Variants in ANKH observed in about 807,000 individuals in gnomAD.
The protein encoded by ANKH is mineralization regulator ANKH.
A neutral mutation model predicts 49.0 loss-of-function variants in ANKH; 15 were observed. The observed-to-expected ratio is 0.31, with a 90% CI of 0.20 to 0.47. ANKH has a LOEUF of 0.47. Among genes scored for constraint, ANKH ranks in the 20% least tolerant of loss-of-function variants. The pLI, the probability that ANKH is intolerant of heterozygous loss-of-function variation, is 1.00. For synonymous variants in ANKH, 273 were observed against 260.0 expected, an observed-to-expected ratio of 1.05 and a Z score of -0.48; for missense variants, 429 against 652.0, an observed-to-expected ratio of 0.66 and a Z score of 3.72.
At chr5:14,847,473 C>A (rs1250455364) in intron 1 of ANKH, among the ~76,000 whole-genome samples, 2 of 152,200 alleles carry the variant, frequency 1.3e-5, no homozygotes, top group African/African-American at 4.8e-5. Context: ...GGTCCCAGGG[C>A]TGCCCAGCAG....
At chr5:14,823,478 C>T (rs1741252678) in intron 1 of ANKH, among the ~76,000 whole-genome samples, 1 of 152,160 alleles carries the variant, frequency 6.6e-6, no homozygotes, top group Non-Finnish European at 1.5e-5. Context: ...GCAATCATAG[C>T]ATGGTGTGTG....
chr5:14,844,501 T>C (rs1025113950), intron 1 of ANKH, among the ~76,000 whole-genome samples: 2 of 152,240 alleles, frequency 1.3e-5, no homozygotes, highest in South Asian at 2.1e-4. Context: ...GCTTCAGCCT[T>C]GCTCTCACTT....
intron 1 of ANKH, among the ~76,000 whole-genome samples, chr5:14,843,039 G>A (rs931811776): frequency 1.3e-5 from 2 of 152,102 alleles, no homozygotes; most frequent in African/African-American, 4.8e-5. Flanking sequence ...TCAAATTGTG[G>A]CTAGATGCCC....
chr5:14,730,240 G>C (rs4702045), intron 8 of ANKH, among the ~76,000 whole-genome samples: 3 of 152,212 alleles, frequency 2.0e-5, no homozygotes, highest in Admixed American at 6.5e-5. Context: ...GCTGGAGCAG[G>C]GGGGCTCACA....
intron 1 of ANKH, among the ~76,000 whole-genome samples, chr5:14,783,751 C>T (rs139306600): frequency 9.0e-4 from 137 of 152,234 alleles, no homozygotes; most frequent in Middle Eastern, 3.4e-3. Context: ...TAGAGAATAA[C>T]GTGAATAAAA....
intron 1 of ANKH, among the ~76,000 whole-genome samples, chr5:14,858,469 C>T (rs1217685600): frequency 1.3e-5 from 2 of 152,282 alleles, no homozygotes; most frequent in South Asian, 2.1e-4. Context: ...GTAATCCTAA[C>T]ACTTTGGGAG....
chr5:14,711,379 G>A, intron 11 of ANKH, 69 bp from the exon 12 acceptor site: 1 of 1,371,790 alleles, frequency 7.3e-7, no homozygotes, highest in Non-Finnish European at 1.0e-6. Flanking sequence ...CCACGAGCAG[G>A]GAGACAACAC....
chr5:14,741,318 C>G (rs1453835585), intron 8 of ANKH: 1 of 169,096 alleles, frequency 5.9e-6, no homozygotes, highest in Non-Finnish European at 1.3e-5. Flanking sequence ...GTCACACACG[C>G]TTGCTCACAG....
In ANKH at chr5:14,863,057, T is replaced by A. The variant is rs1052537228; in HGVS notation, c.96+8295A>T. Among the ~76,000 whole-genome samples, 8 of 152,160 alleles carry A rather than the reference T, an allele frequency of 5.3e-5. No individual in the cohort carries two copies. The East Asian group carries it at 1.5e-3, about 29-fold the overall frequency. On this transcript the variant is annotated intron_variant, in intron 1 of 11. Transcript: ENST00000284268. ...AAATATTAGCTATGTTTATGGTGTT[T>A]GTGTTATCATTAAGTGGTTACACGG...
At chr5:14,806,253 C>T (rs569607964) in intron 1 of ANKH, among the ~76,000 whole-genome samples, 60 of 152,078 alleles carry the variant, frequency 3.9e-4, no homozygotes, top group Non-Finnish European at 6.3e-4. Flanking sequence ...TTGCCCCTCA[C>T]GACCTGCACC....
rs1382356291 is a variant in ANKH, at chr5:14,705,571, C to T, written c.*5626G>A. 1.3e-5 allele frequency: 2 copies of T among 152,280 alleles called. No individual in the cohort carries two copies. Among genetic ancestry groups the T allele is most frequent in the Non-Finnish European group, 2.9e-5 (2 of 68,044 alleles). 9.4% of individuals were successfully genotyped at this position (152,280 alleles called of 1,614,324 possible). ...GAATCACGTGTGTGGCTCTTGTCCA[C>T]TTTCCCGAAGCCCTTTGATTAACTC... On this transcript the variant is annotated 3_prime_UTR_variant, in exon 12 of 12. Coordinates refer to ENST00000284268, the MANE Select transcript of ANKH (RefSeq NM_054027.6).
chr5:14,853,929 C>T (rs1742187153), intron 1 of ANKH, among the ~76,000 whole-genome samples: 1 of 152,112 alleles, frequency 6.6e-6, no homozygotes. Context: ...AATTCAATTC[C>T]AGATGGTTCT....
chr5:14,720,396 ACTAGC>A (rs1224664984), intron 8 of ANKH, among the ~76,000 whole-genome samples: 1 of 152,208 alleles, frequency 6.6e-6, no homozygotes, highest in East Asian at 1.9e-4. Context: ...CTGCAAAGCT[ACTAGC>A]CTACAAGGGT....
intron 1 of ANKH, among the ~76,000 whole-genome samples, chr5:14,856,511 T>C (rs1260219542): frequency 6.6e-6 from 1 of 151,926 alleles, no homozygotes; most frequent in Non-Finnish European, 1.5e-5. Flanking sequence ...CAGATGCCCA[T>C]GATTTTTCGA....
chr5:14,827,053 T>C (rs1741363340), intron 1 of ANKH, among the ~76,000 whole-genome samples: 1 of 152,192 alleles, frequency 6.6e-6, no homozygotes, highest in Non-Finnish European at 1.5e-5. Flanking sequence ...TCAGAGGGCC[T>C]AGAATACAGC....
intron 3 of ANKH, among the ~76,000 whole-genome samples, chr5:14,757,227 G>A (rs1738915879): frequency 6.6e-6 from 1 of 151,942 alleles, no homozygotes; most frequent in Non-Finnish European, 1.5e-5. Flanking sequence ...ACCACCATGG[G>A]CTAGCTCAGG....
chr5:14,789,456 A>G (rs889908499), intron 1 of ANKH, among the ~76,000 whole-genome samples: 2 of 69,516 alleles, frequency 2.9e-5, no homozygotes, highest in Non-Finnish European at 6.5e-5. Flanking sequence ...TGGTGGTGAT[A>G]AAAAAAAAAA....
intron 1 of ANKH, among the ~76,000 whole-genome samples, chr5:14,786,975 C>G (rs752931604): frequency 1.3e-5 from 2 of 152,178 alleles, no homozygotes; most frequent in Non-Finnish European, 2.9e-5. Flanking sequence ...CAGAAGGTCA[C>G]CCACCAAACA....
intron 8 of ANKH, chr5:14,717,120 G>A (rs780809139): frequency 2.2e-4 from 90 of 410,550 alleles, no homozygotes; most frequent in Non-Finnish European, 3.9e-4. Flanking sequence ...GAGCAGACCC[G>A]TTCAGAACCA....
Sources: gnomAD v4.1 joint callset for allele counts (sites outside exome capture counted in the v4.1 genomes callset) on GRCh38, gnomAD v4.1.1 for gene constraint, MANE v1.5 for transcripts, NCBI Gene and HGNC (gene_info 2026-07-23, HGNC 2026-07-21) for gene names.